Variants in SLC22A11 observed in about 807,000 individuals in gnomAD.
SLC22A11 encodes solute carrier family 22 member 11.
SLC22A11 carries 42 observed loss-of-function variants against 49.4 expected under a neutral mutation model. That is an observed-to-expected ratio of 0.85 (90% confidence interval 0.66 to 1.10). SLC22A11 has a LOEUF of 1.10. Ranked by LOEUF, SLC22A11 falls within the 50% of genes least tolerant of loss-of-function variation. The probability of loss-of-function intolerance (pLI) is 0.00; values close to 1 mark genes in which losing one functional copy is unlikely to be tolerated. For synonymous variants in SLC22A11, 304 were observed against 315.8 expected, an observed-to-expected ratio of 0.96 and a Z score of 0.40; for missense variants, 685 against 731.6, an observed-to-expected ratio of 0.94 and a Z score of 0.74.
rs1193781784 is a variant in SLC22A11, at chr11:64,571,895, G to A, written c.*853G>A. The stretch of plus-strand genomic sequence containing the variant: ...GGCAGCTTTGGAGCACAAAGGGGGT[G>A]GGGCAACTCCTGGCTTCTGCGGGAA... On this transcript the variant is annotated 3_prime_UTR_variant, in exon 10 of 10. Transcript: ENST00000301891. The A allele has an allele frequency of 1.3e-5, 2 of 152,362 alleles. No individual in the cohort carries two copies. The highest frequency in any genetic ancestry group is 6.5e-5 in the Admixed American group (1 of 15,288). The allele number at this position is 152,362 out of a possible 1,614,324, so 9.4% of individuals were successfully genotyped here.
chr11:64,559,700 G>A (rs73490288), intron 2 of SLC22A11, among the ~76,000 whole-genome samples: 10,063 of 152,152 alleles, frequency 0.066, 1,118 homozygotes, highest in African/African-American at 0.23. Context: ...GGGAAGGGGC[G>A]GTGGGGAGGG....
In SLC22A11 at chr11:64,567,726, C is replaced by T; in HGVS notation, c.1186C>T (p.Leu396Phe). 5 of 1,613,672 alleles carry T rather than the reference C, an allele frequency of 3.1e-6. No homozygotes were observed. The South Asian group carries it at 5.5e-5, about 18-fold the overall frequency. Residue 396 changes from leucine (L) to phenylalanine (F), a missense_variant, in exon 7 of 10, where the codon CTC (leucine) becomes TTC (phenylalanine). Transcript: ENST00000301891. The stretch of plus-strand genomic sequence containing the variant: ...GGGCCGGGCCACCACTGCCCTCTTG[C>T]TCAGTTTCCTTGGCCGCCGCACCAT... ...FLGRATTALL[L>F]SFLGRRTIQA...
In SLC22A11 at chr11:64,567,609, T is replaced by TTGATC; in HGVS notation, c.1071_1075dup (p.Ser359Ter). 1 of 1,613,978 alleles carries TTGATC rather than the reference T, an allele frequency of 6.2e-7. No homozygotes were observed. Among genetic ancestry groups the TTGATC allele is most frequent in the Non-Finnish European group, 8.5e-7 (1 of 1,179,936 alleles). On this transcript the variant is annotated frameshift_variant, in exon 7 of 10. Transcript: ENST00000301891. LOFTEE classifies it high-confidence loss of function. ...CAGCCTTGCCCGCAGTTTCTCTCTA[T>TTGATC]TGATCTCCTACTATGGGCTGGTCTT... is the stretch of plus-strand genomic sequence containing the variant.
intron 1 of SLC22A11, among the ~76,000 whole-genome samples, chr11:64,558,473 G>A (rs777456976): frequency 4.6e-5 from 7 of 152,172 alleles, no homozygotes; most frequent in Non-Finnish European, 8.8e-5. Context: ...TGGGTGTGGG[G>A]TGTTCAGGCA....
intron 2 of SLC22A11, 92 bp from the exon 3 acceptor site, chr11:64,561,912 G>A (rs749968480): frequency 1.4e-4 from 206 of 1,439,024 alleles, no homozygotes; most frequent in Middle Eastern, 2.5e-4. Flanking sequence ...ATCCCCTGGC[G>A]TTGTTGAACT....
chr11:64,562,081 C>T lies in SLC22A11; in HGVS notation c.575C>T (p.Thr192Ile), dbSNP rs773315449. 1.2e-6 allele frequency: 2 copies of T among 1,613,952 alleles called. No individual in the cohort carries two copies. The highest frequency in any genetic ancestry group is 1.7e-5 in the Admixed American group (1 of 60,024). The part of the protein sequence containing the change: ...VAGTSTIFAP[T>I]FVIYCGLRFV... ...GGCACCAGCACCATCTTCGCCCCAA[C>T]ATTCGTCATCTACTGCGGCCTGCGG... Residue 192 changes from threonine (T) to isoleucine (I), a missense_variant, in exon 3 of 10, where the codon ACA (threonine) becomes ATA (isoleucine). Thr to Ile is a moderately conservative substitution (Grantham distance 89). Transcript: ENST00000301891. This position sits in a 1 kb window ranked among gnomAD's most constrained non-coding sequence, Gnocchi z 4.4.
rs1291580133 is a variant in SLC22A11 at position 64,564,480 on chromosome 11, G to A, written c.942+52G>A. On this transcript the variant is annotated intron_variant, in intron 5 of 9. Transcript: ENST00000301891. The surrounding 1 kb of genome is among the most constrained non-coding windows in gnomAD (Gnocchi z 4.2). ...GACCTGGGACAGGACGTGCACTGAG[G>A]GATCATCCGTGTGGCCTCCAACAGC... is the stretch of plus-strand genomic sequence containing the variant. 1 of 1,598,750 alleles carries A rather than the reference G, an allele frequency of 6.3e-7. No homozygotes were observed. The highest frequency in any genetic ancestry group is 1.3e-5 in the African/African-American group (1 of 74,564).
Position 64,569,757 on chromosome 11 carries a change from C to G in SLC22A11, c.1488C>G (p.Leu496=), listed in dbSNP as rs753269187. The change falls in exon 9 of 10, where the codon CTC becomes CTG. Residue 496 remains leucine (L), a synonymous_variant. Coordinates refer to ENST00000301891, the MANE Select transcript of SLC22A11 (RefSeq NM_018484.4). Reference sequence around the variant, plus strand: ...CCCTGCCCCTGCTGCCTCCTCTCCTCTATGGCGTTATCTCCATTGCTTCCA... The same window carrying G: ...CCCTGCCCCTGCTGCCTCCTCTCCTGTATGGCGTTATCTCCATTGCTTCCA... The part of the protein sequence containing the change: ...RQALPLLPPL[L]YGVISIASSL... 1.9e-6 allele frequency: 3 copies of G among 1,614,204 alleles called. No individual in the cohort carries two copies. In the East Asian group the frequency reaches 6.7e-5, roughly 36 times the overall value.
Position 64,568,734 on chromosome 11 carries a change from C to T in SLC22A11, c.1338C>T (p.Thr446=). 1 of 1,614,188 alleles carries T rather than the reference C, an allele frequency of 6.2e-7. No individual in the cohort carries two copies. The highest frequency in any genetic ancestry group is 1.1e-5 in the South Asian group (1 of 91,090). The part of the protein sequence containing the change: ...LGKGCFGISL[T]CLTIYKAELF... ...AGGGATGTTTTGGGATAAGCCTAAC[C>T]TGCCTCACCATCTACAAGGCTGAAC... Residue 446 remains threonine, a synonymous_variant, in exon 8 of 10, where the codon ACC becomes ACT. Transcript: ENST00000301891.
chr11:64,556,511 A>C, intron 1 of SLC22A11, 119 bp downstream of exon 1: 1 of 1,449,748 alleles, frequency 6.9e-7, no homozygotes, highest in Non-Finnish European at 9.2e-7. Context: ...CGAGCCTCTC[A>C]GCCCCTCGTC....
In SLC22A11 at chr11:64,562,239, C is replaced by T. The variant is rs2135422281; in HGVS notation, c.653-28C>T. 4 of 1,599,636 alleles carry T rather than the reference C, an allele frequency of 2.5e-6. No homozygotes were observed. In the South Asian group the frequency reaches 3.3e-5, roughly 13 times the overall value. On this transcript the variant is annotated intron_variant, in intron 3 of 9. Transcript: ENST00000301891. This position sits in a 1 kb window ranked among gnomAD's most constrained non-coding sequence, Gnocchi z 4.4. ...TGGGGCTCAGGCCGCCGCATGAGGC[C>T]TCACCTGCACGTGTCTGCATCCTTC...
intron 2 of SLC22A11, among the ~76,000 whole-genome samples, chr11:64,560,246 C>T (rs1286196709): frequency 5.3e-5 from 8 of 152,148 alleles, no homozygotes; most frequent in Admixed American, 5.2e-4. Context: ...CCTGAGCCAC[C>T]ATCTCCTCTC....
intron 6 of SLC22A11, among the ~76,000 whole-genome samples, chr11:64,566,866 G>A (rs1026959571): frequency 3.3e-5 from 5 of 152,196 alleles, no homozygotes; most frequent in African/African-American, 1.2e-4. Context: ...CTTGCAGCCA[G>A]TTGTGGATCC....
intron 1 of SLC22A11, among the ~76,000 whole-genome samples, chr11:64,558,100 A>G (rs1435647226): frequency 1.3e-5 from 2 of 152,014 alleles, no homozygotes; most frequent in Non-Finnish European, 2.9e-5. Context: ...GCTTGGTCTA[A>G]TTTTTTAAAT....
At chr11:64,569,025 T>C (rs750888644) in intron 8 of SLC22A11, among the ~76,000 whole-genome samples, 3 of 152,196 alleles carry the variant, frequency 2.0e-5, no homozygotes, top group Non-Finnish European at 4.4e-5. Flanking sequence ...TGGAATCTTA[T>C]AAGAATCCTG....
intron 4 of SLC22A11, among the ~76,000 whole-genome samples, chr11:64,563,746 C>T (rs1299304818): frequency 1.3e-5 from 2 of 150,972 alleles, no homozygotes; most frequent in African/African-American, 4.9e-5. Context: ...GGTGAAACCC[C>T]ATCTCTACTA....
Position 64,572,191 on chromosome 11 carries a change from G to A in SLC22A11, c.*1149G>A, listed in dbSNP as rs898851123. 2 of 152,282 alleles carry A rather than the reference G, an allele frequency of 1.3e-5. No individual in the cohort carries two copies. The highest frequency in any genetic ancestry group is 4.8e-5 in the African/African-American group (2 of 41,454). The allele number at this position is 152,282 out of a possible 1,614,324, so 9.4% of individuals were successfully genotyped here. On this transcript the variant is annotated 3_prime_UTR_variant, in exon 10 of 10. Coordinates refer to ENST00000301891, the MANE Select transcript of SLC22A11 (RefSeq NM_018484.4). Reference sequence around the variant, plus strand: ...GGCACCCTTTTGCTGTTTGTTTTCTGGAGGGGACACCTTTTCTTGATTCAT... The same window carrying A: ...GGCACCCTTTTGCTGTTTGTTTTCTAGAGGGGACACCTTTTCTTGATTCAT...
intron 2 of SLC22A11, 112 bp from the exon 3 acceptor site, chr11:64,561,892 G>A: frequency 7.7e-7 from 1 of 1,296,806 alleles, no homozygotes; most frequent in South Asian, 1.5e-5. Flanking sequence ...GGAGGAGCTG[G>A]CTGCAAGAGA....
chr11:64,561,975 A>G, intron 2 of SLC22A11, 29 bp from the exon 3 acceptor site: 1 of 1,592,580 alleles, frequency 6.3e-7, no homozygotes, highest in Non-Finnish European at 8.6e-7. Context: ...GCCCCTCTCC[A>G]GGCCCCGTGT....
Sources: allele counts gnomAD v4.1 joint callset (sites outside exome capture counted in the v4.1 genomes callset), GRCh38; gene constraint gnomAD v4.1.1; non-coding constraint Gnocchi (gnomAD v3.1); transcripts MANE v1.5; gene names NCBI Gene and HGNC (gene_info 2026-07-23, HGNC 2026-07-21).